PCDH15: variants seen among roughly 807,000 people sequenced by gnomAD.
PCDH15 encodes protocadherin related 15.
A neutral mutation model predicts 178.5 loss-of-function variants in PCDH15; 129 were observed. The observed-to-expected ratio is 0.72, with a 90% CI of 0.63 to 0.84. The LOEUF (loss-of-function observed/expected upper bound fraction) is 0.84, where lower values mean the gene tolerates loss of function less well. Ranked by LOEUF, PCDH15 falls within the 40% of genes least tolerant of loss-of-function variation. The pLI is 0.00. For synonymous variants in PCDH15, 800 were observed against 732.0 expected (o/e 1.09, Z -1.50); for missense variants, 2,230 against 2,099.9 (o/e 1.06, Z -1.21).
At chr10:54,485,227 AT>A (rs1340456953) in intron 3 of PCDH15, among the ~76,000 whole-genome samples, 1 of 151,844 alleles carries the variant, frequency 6.6e-6, no homozygotes, top group Non-Finnish European at 1.5e-5. Flanking sequence ...ATAAAAAAAA[AT>A]CTCCGACTTT....
chr10:54,495,815 T>C (rs1036338078), intron 3 of PCDH15, among the ~76,000 whole-genome samples: 2 of 152,162 alleles, frequency 1.3e-5, no homozygotes, highest in Non-Finnish European at 2.9e-5. Context: ...GTCTCTCAAA[T>C]GGATTTCACA....
intron 2 of PCDH15, among the ~76,000 whole-genome samples, chr10:55,497,837 A>G (rs534824079): frequency 1.3e-5 from 2 of 152,004 alleles, no homozygotes; most frequent in Admixed American, 1.3e-4. Flanking sequence ...AGATGATTCT[A>G]TCTACACATA....
intron 1 of PCDH15, among the ~76,000 whole-genome samples, chr10:55,297,931 A>G (rs1843174398): frequency 6.6e-6 from 1 of 152,090 alleles, no homozygotes; most frequent in Non-Finnish European, 1.5e-5. Context: ...TTTCCTGGTG[A>G]AACTGACCAT....
intron 1 of PCDH15, among the ~76,000 whole-genome samples, chr10:54,760,618 T>C (rs1472664163): frequency 2.0e-5 from 3 of 152,176 alleles, no homozygotes; most frequent in Non-Finnish European, 4.4e-5. Context: ...TTGATCATTT[T>C]CTGTTTTTGA....
At chr10:54,214,139 A>T in intron 9 of PCDH15, 91 bp from the exon 10 acceptor site, 1 of 739,570 alleles carries the variant, frequency 1.4e-6, no homozygotes, top group South Asian at 1.4e-5. Flanking sequence ...GCTGAGGAAC[A>T]AAGCTACAAT....
intron 2 of PCDH15, chr10:54,600,127 GAGA>G (rs2092457382): frequency 2.4e-6 from 2 of 841,590 alleles, no homozygotes; most frequent in South Asian, 1.4e-5. Context: ...GGATGTGCCA[GAGA>G]AGAAGAAAGC....
intron 18 of PCDH15, among the ~76,000 whole-genome samples, chr10:54,049,681 C>T (rs1054154267): frequency 4.0e-5 from 6 of 151,244 alleles, no homozygotes; most frequent in South Asian, 4.2e-4. Context: ...CATGCAATGG[C>T]GCAACCTTGG....
At chr10:55,064,622 A>G (rs1345099331) in intron 2 of PCDH15, among the ~76,000 whole-genome samples, 3 of 152,082 alleles carry the variant, frequency 2.0e-5, no homozygotes, top group African/African-American at 7.2e-5. Flanking sequence ...CTTATACTAA[A>G]ATACCTAAAT....
At chr10:55,385,107 A>G (rs1015709277) in intron 2 of PCDH15, among the ~76,000 whole-genome samples, 3 of 152,174 alleles carry the variant, frequency 2.0e-5, no homozygotes, top group African/African-American at 7.2e-5. Flanking sequence ...AACTCAAGGG[A>G]GTCAAAGAAT....
chr10:55,112,367 C>A (rs1041253097), intron 2 of PCDH15, among the ~76,000 whole-genome samples: 6 of 152,030 alleles, frequency 3.9e-5, no homozygotes, highest in African/African-American at 1.2e-4. Flanking sequence ...CTGCTTAGTA[C>A]CCATAAGAGG....
intron 14 of PCDH15, among the ~76,000 whole-genome samples, chr10:54,137,371 A>G (rs1042654256): frequency 2.0e-5 from 3 of 152,208 alleles, no homozygotes; most frequent in Admixed American, 2.0e-4. Context: ...AGCACAAAAG[A>G]GGTAATATAT....
At chr10:54,862,353 A>G (rs1953857499) in intron 3 of PCDH15, among the ~76,000 whole-genome samples, 1 of 152,250 alleles carries the variant, frequency 6.6e-6, no homozygotes, top group Non-Finnish European at 1.5e-5. Flanking sequence ...TAACATATAA[A>G]GTACAACAAT....
At chr10:55,579,854 G>T (rs1266780738) in intron 2 of PCDH15, among the ~76,000 whole-genome samples, 1 of 151,632 alleles carries the variant, frequency 6.6e-6, no homozygotes, top group Non-Finnish European at 1.5e-5. Flanking sequence ...TGTTGTTTTT[G>T]TTTTTTGTTT....
chr10:55,109,884 A>G (rs1485043270), intron 2 of PCDH15, among the ~76,000 whole-genome samples: 1 of 151,986 alleles, frequency 6.6e-6, no homozygotes, highest in African/African-American at 2.4e-5. Flanking sequence ...TAATGTAAAG[A>G]ATGTGGAAAT....
rs190101882 is a variant in PCDH15 at position 54,925,281 on chromosome 10, C to T, written c.-79-27781G>A. Among the ~76,000 whole-genome samples, 24 of 152,200 alleles carry T rather than the reference C, an allele frequency of 1.6e-4. No homozygotes were observed. The East Asian group carries it at 2.9e-3, about 18-fold the overall frequency. On this transcript the variant is annotated intron_variant, in intron 2 of 5. Transcript: ENST00000458638. The stretch of plus-strand genomic sequence containing the variant: ...GTGTGTGGCCACATTTCTGGGTTCT[C>T]GATTCTGTTCCATTGGTTTATGTAT...
At chr10:55,383,137 G>T (rs539453246) in intron 2 of PCDH15, among the ~76,000 whole-genome samples, 1 of 152,158 alleles carries the variant, frequency 6.6e-6, no homozygotes, top group African/African-American at 2.4e-5. Context: ...TCAGTGGAAG[G>T]GGAGCTGGAA....
intron 21 of PCDH15, among the ~76,000 whole-genome samples, chr10:53,966,218 C>T (rs1279278388): frequency 2.0e-5 from 3 of 152,046 alleles, no homozygotes; most frequent in Admixed American, 2.0e-4. Flanking sequence ...AAAGTGTGGC[C>T]CTGAGAGGAC....
intron 2 of PCDH15, among the ~76,000 whole-genome samples, chr10:55,494,245 G>A (rs2132131443): frequency 6.6e-6 from 1 of 151,766 alleles, no homozygotes; most frequent in South Asian, 2.1e-4. Flanking sequence ...TTGAATAATT[G>A]TTTCTTTATT....
chr10:55,201,652 CT>C (rs1840251228), intron 1 of PCDH15, among the ~76,000 whole-genome samples: 1 of 152,114 alleles, frequency 6.6e-6, no homozygotes, highest in Non-Finnish European at 1.5e-5. Context: ...GGTCCACATA[CT>C]ATTGATGTTC....
Sources: allele counts gnomAD v4.1 joint callset (sites outside exome capture counted in the v4.1 genomes callset), GRCh38; gene constraint gnomAD v4.1.1; transcripts MANE v1.5; gene names NCBI Gene and HGNC (gene_info 2026-07-23, HGNC 2026-07-21).